RFX3: variants seen among roughly 807,000 people sequenced by gnomAD.
RFX3 encodes transcription factor RFX3.
A neutral mutation model predicts 98.6 loss-of-function variants in RFX3; 14 were observed. The ratio of observed to expected loss-of-function variants is 0.14; its 90% CI spans 0.09 to 0.22. The LOEUF (loss-of-function observed/expected upper bound fraction) is 0.22. Ranked by LOEUF, RFX3 falls within the 10% of genes least tolerant of loss-of-function variation. RFX3 has a pLI of 1.00. For missense variants in RFX3, 639 were observed against 926.9 expected, an observed-to-expected ratio of 0.69 and a Z score of 4.03; for synonymous variants, 383 against 328.4, an observed-to-expected ratio of 1.17 and a Z score of -1.80.
Position 3,224,790 on chromosome 9 carries a change from GT to G in RFX3, c.*251del, listed in dbSNP as rs1586632185. On this transcript the variant is annotated 3_prime_UTR_variant, in exon 17 of 17. Coordinates refer to ENST00000617270, the MANE Select transcript of RFX3 (RefSeq NM_001282116.2). ...TAAGAAAACAAAACATTGACATTAA[GT>G]GTTGTAAAAATCCTTCTTGACACCT... 1 of 368,578 alleles carries G rather than the reference GT, an allele frequency of 2.7e-6. No individual in the cohort carries two copies. The highest frequency in any genetic ancestry group is 4.5e-5 in the East Asian group (1 of 22,304). 22.8% of individuals were successfully genotyped at this position (368,578 alleles called of 1,614,324 possible). A position where few individuals can be genotyped will look rare whatever the true frequency, so the allele number is the denominator to read the frequency against.
At chr9:3,244,383 T>C (rs1246883021) in intron 15 of RFX3, among the ~76,000 whole-genome samples, 1 of 152,180 alleles carries the variant, frequency 6.6e-6, no homozygotes, top group Admixed American at 6.5e-5. Context: ...AACATATATA[T>C]ATGGCACTTC....
intron 1 of RFX3, among the ~76,000 whole-genome samples, chr9:3,504,972 A>C (rs183539594): frequency 0.023 from 1,478 of 65,358 alleles, 166 homozygotes; most frequent in African/African-American, 0.12. Flanking sequence ...TATAATATAT[A>C]TTATATAATA....
chr9:3,353,280 T>C (rs1351596616), intron 2 of RFX3, among the ~76,000 whole-genome samples: 1 of 151,760 alleles, frequency 6.6e-6, no homozygotes, highest in Non-Finnish European at 1.5e-5. Flanking sequence ...CACACCAGCA[T>C]GGCACATGTA....
intron 1 of RFX3, among the ~76,000 whole-genome samples, chr9:3,511,286 G>T (rs891786054): frequency 6.6e-6 from 1 of 151,936 alleles, no homozygotes; most frequent in Non-Finnish European, 1.5e-5. Context: ...ATCACTATTT[G>T]TTATAATACT....
At chr9:3,286,353 CA>C (rs765996612) in intron 7 of RFX3, among the ~76,000 whole-genome samples, 12 of 151,652 alleles carry the variant, frequency 7.9e-5, no homozygotes, top group Admixed American at 7.2e-4. Flanking sequence ...TTATTTTTTT[CA>C]GAGCCCTTCT....
At chr9:3,422,899 G>C (rs940690037) in intron 1 of RFX3, among the ~76,000 whole-genome samples, 1 of 152,042 alleles carries the variant, frequency 6.6e-6, no homozygotes, top group South Asian at 2.1e-4. Context: ...TGTGACAATG[G>C]AGCTATATTT....
At chr9:3,432,302 A>G (rs1343812511) in intron 1 of RFX3, among the ~76,000 whole-genome samples, 1 of 152,162 alleles carries the variant, frequency 6.6e-6, no homozygotes, top group Admixed American at 6.5e-5. Context: ...TCTCTAATTC[A>G]GCCTCTAGAT....
chr9:3,504,972 A>ATATAATATATATAATATATAATATATC (rs1316211073), intron 1 of RFX3, among the ~76,000 whole-genome samples: 1 of 66,268 alleles, frequency 1.5e-5, no homozygotes, highest in African/African-American at 8.5e-5. Context: ...TATAATATAT[A>ATATAATATATATAATATATAATATATC]TTATATAATA....
rs1820777415 is a variant in RFX3, at chr9:3,247,092, C to T, written c.1968+940G>A. The T allele has an allele frequency of 2.2e-5, 22 of 984,872 alleles. No individual in the cohort carries two copies. The South Asian group carries it at 9.4e-4, about 42-fold the overall frequency. The allele number at this position is 984,872 out of a possible 1,614,324, so 61.0% of individuals were successfully genotyped here. A position where few individuals can be genotyped will look rare whatever the true frequency, so the allele number is the denominator to read the frequency against. ...CACATACACATAGCTTAAAAGTGAA[C>T]ATGTCTTTTTTACCGCCTTGGGTAA... On this transcript the variant is annotated intron_variant, in intron 15 of 16. Coordinates refer to ENST00000617270, the MANE Select transcript of RFX3 (RefSeq NM_001282116.2).
chr9:3,368,886 T>C (rs1481092618), intron 2 of RFX3, among the ~76,000 whole-genome samples: 9 of 152,254 alleles, frequency 5.9e-5, no homozygotes, highest in Admixed American at 5.9e-4. Context: ...AATTCTGATG[T>C]AGACGAGAGA....
chr9:3,339,075 C>A (rs999144131), intron 3 of RFX3, among the ~76,000 whole-genome samples: 2 of 151,918 alleles, frequency 1.3e-5, no homozygotes, highest in African/African-American at 4.8e-5. Context: ...GGCGACAGAG[C>A]AAGACTCCAA....
rs1323724044 is a variant in RFX3 at position 3,473,613 on chromosome 9, A to G, written c.-9+52134T>C. 2.0e-5 allele frequency among the ~76,000 whole-genome samples: 3 copies of G among 152,160 alleles called. No individual in the cohort carries two copies. In the East Asian group the frequency reaches 5.8e-4, roughly 29 times the overall value. On this transcript the variant is annotated intron_variant, in intron 1 of 16. Transcript: ENST00000617270. ...TCTTTAACCATACTGACAGATGCCCACAGAATACTGAAAACTCACAGCCTG... is the reference window on the plus strand; with the variant it reads ...TCTTTAACCATACTGACAGATGCCCGCAGAATACTGAAAACTCACAGCCTG...
Position 3,395,475 on chromosome 9 carries a change from T to C in RFX3, c.114A>G (p.Gln38=). 3.1e-6 allele frequency: 5 copies of C among 1,614,034 alleles called. No homozygotes were observed. The highest frequency in any genetic ancestry group is 4.2e-6 in the Non-Finnish European group (5 of 1,179,920). ...TCTAAGAGCAGCAGCTCCTTACCTG[T>C]TGTTGTACTGGTACTTGCTGTACCA... The part of the protein sequence containing the change: ...TQVVQQVPVQ[Q]QVQQVQTVQQ... Residue 38 remains glutamine (Q), a synonymous_variant, in exon 2 of 17, where the codon CAA becomes CAG. Coordinates refer to ENST00000617270, the MANE Select transcript of RFX3 (RefSeq NM_001282116.2).
At chr9:3,515,205 T>C (rs970693481) in intron 1 of RFX3, among the ~76,000 whole-genome samples, 1 of 152,214 alleles carries the variant, frequency 6.6e-6, no homozygotes. Flanking sequence ...CACCAGTCTT[T>C]TTAATTCCTT....
chr9:3,431,455 G>T (rs1327879549), intron 1 of RFX3, among the ~76,000 whole-genome samples: 1 of 151,910 alleles, frequency 6.6e-6, no homozygotes, highest in Non-Finnish European at 1.5e-5. Flanking sequence ...GCATAAGAAT[G>T]ATTTAAAAAA....
chr9:3,511,836 A>C (rs1434619669), intron 1 of RFX3, among the ~76,000 whole-genome samples: 1 of 152,054 alleles, frequency 6.6e-6, no homozygotes, highest in Non-Finnish European at 1.5e-5. Flanking sequence ...CAATTACTAA[A>C]CAAAAGATAT....
intron 1 of RFX3, among the ~76,000 whole-genome samples, chr9:3,485,259 A>C (rs1850161783): frequency 6.6e-6 from 1 of 152,184 alleles, no homozygotes; most frequent in Admixed American, 6.5e-5. Flanking sequence ...CAATCTACTG[A>C]AGAAACTTTT....
chr9:3,265,415 T>G (rs1293718487), intron 12 of RFX3, among the ~76,000 whole-genome samples: 6 of 152,184 alleles, frequency 3.9e-5, no homozygotes, highest in African/African-American at 1.4e-4. Flanking sequence ...CAGAGGTTTA[T>G]CAGCTAAAAT....
chr9:3,449,859 C>T (rs934486358), intron 1 of RFX3, among the ~76,000 whole-genome samples: 2 of 150,006 alleles, frequency 1.3e-5, no homozygotes, highest in Non-Finnish European at 3.0e-5. Flanking sequence ...CTGAGCGACA[C>T]CCTGTCTCAA....
Sources: allele counts gnomAD v4.1 joint callset (sites outside exome capture counted in the v4.1 genomes callset), GRCh38; gene constraint gnomAD v4.1.1; transcripts MANE v1.5; gene names NCBI Gene and HGNC (gene_info 2026-07-23, HGNC 2026-07-21).